ARHGAP15: variants seen among roughly 807,000 people sequenced by gnomAD.
ARHGAP15 encodes the protein rho GTPase-activating protein 15.
A neutral mutation model predicts 63.7 loss-of-function variants in ARHGAP15; 51 were observed. The ratio of observed to expected loss-of-function variants is 0.80; its 90% CI spans 0.64 to 1.01. ARHGAP15 has a LOEUF of 1.01. Among genes scored for constraint, ARHGAP15 ranks in the 50% least tolerant of loss-of-function variants. ARHGAP15 has a pLI of 0.00. For synonymous variants in ARHGAP15, 191 were observed against 193.8 expected (o/e 0.99, Z 0.12); for missense variants, 560 against 564.6 (o/e 0.99, Z 0.08).
intron 13 of ARHGAP15, among the ~76,000 whole-genome samples, chr2:143,716,319 A>G (rs561912404): frequency 3.2e-4 from 49 of 152,334 alleles, no homozygotes; most frequent in African/African-American, 1.1e-3. Flanking sequence ...TGATGGGTGG[A>G]GCCTATTAGA....
intron 8 of ARHGAP15, among the ~76,000 whole-genome samples, chr2:143,442,169 T>C (rs1297468280): frequency 2.6e-5 from 4 of 152,166 alleles, no homozygotes; most frequent in African/African-American, 9.7e-5. Context: ...TTTGTACTAA[T>C]CTAAATAATT....
At chr2:143,532,936 T>C (rs376798212) in intron 10 of ARHGAP15, among the ~76,000 whole-genome samples, 1 of 152,170 alleles carries the variant, frequency 6.6e-6, no homozygotes, top group African/African-American at 2.4e-5. Flanking sequence ...ACCAAAAAAC[T>C]CAAACAAAAA....
At chr2:143,246,434 G>C (rs1038234037) in intron 5 of ARHGAP15, among the ~76,000 whole-genome samples, 1 of 151,756 alleles carries the variant, frequency 6.6e-6, no homozygotes, top group Non-Finnish European at 1.5e-5. Flanking sequence ...CCATTTCGTG[G>C]GGTGGACTCA....
intron 10 of ARHGAP15, among the ~76,000 whole-genome samples, chr2:143,543,539 A>G (rs1695196227): frequency 6.6e-6 from 1 of 152,146 alleles, no homozygotes; most frequent in Non-Finnish European, 1.5e-5. Context: ...TTTGCTGTGC[A>G]GAAGCTTCCT....
chr2:143,301,474 A>G (rs999881461), intron 6 of ARHGAP15, among the ~76,000 whole-genome samples: 1 of 151,974 alleles, frequency 6.6e-6, no homozygotes, highest in Non-Finnish European at 1.5e-5. Flanking sequence ...CTATGTGTAT[A>G]AAAATTGTCT....
chr2:143,532,473 C>T (rs1437742611), intron 10 of ARHGAP15, among the ~76,000 whole-genome samples: 1 of 152,154 alleles, frequency 6.6e-6, no homozygotes, highest in Non-Finnish European at 1.5e-5. Flanking sequence ...GGTTTCTTTT[C>T]ACAAGTTTTT....
At chr2:143,289,375 A>C (rs1396353054) in intron 6 of ARHGAP15, among the ~76,000 whole-genome samples, 1 of 152,206 alleles carries the variant, frequency 6.6e-6, no homozygotes, top group Non-Finnish European at 1.5e-5. Context: ...TATTTTTAAA[A>C]TTGTACAAAT....
At chr2:143,269,971 T>TA (rs1681189931) in intron 6 of ARHGAP15, among the ~76,000 whole-genome samples, 1 of 152,164 alleles carries the variant, frequency 6.6e-6, no homozygotes, top group South Asian at 2.1e-4. Context: ...TAATCTGTGT[T>TA]ACTTTTTTTT....
At chr2:143,555,206 G>T (rs896688938) in intron 10 of ARHGAP15, among the ~76,000 whole-genome samples, 1 of 152,130 alleles carries the variant, frequency 6.6e-6, no homozygotes, top group African/African-American at 2.4e-5. Context: ...AATGGCAGAA[G>T]TGTTCCTAAT....
chr2:143,249,441 C>T (rs1335807543), intron 5 of ARHGAP15, among the ~76,000 whole-genome samples: 1 of 152,034 alleles, frequency 6.6e-6, no homozygotes, highest in Non-Finnish European at 1.5e-5. Context: ...ACCATTCTTT[C>T]ATAATTTCAT....
rs199912817 is a variant in ARHGAP15, at chr2:143,519,308, A to G, written c.869A>G (p.Glu290Gly). 5.6e-6 allele frequency: 9 copies of G among 1,613,278 alleles called. No homozygotes were observed. In the East Asian group the frequency reaches 1.8e-4, roughly 32 times the overall value. ...GSHLHKVCER[E>G]NSTVPWFVKQ... ...CATCTGCACAAAGTGTGTGAACGTG[A>G]AAATTCCACAGTTCCGTGGTTTGTA... Residue 290 changes from glutamate to glycine, a missense_variant, in exon 10 of 14, where the codon GAA (glutamate) becomes GGA (glycine). Glu to Gly is a moderately conservative substitution (Grantham distance 98). Coordinates refer to ENST00000295095, the MANE Select transcript of ARHGAP15 (RefSeq NM_018460.4).
At chr2:143,249,112 CAATA>C (rs1304308573) in intron 5 of ARHGAP15, among the ~76,000 whole-genome samples, 5 of 151,974 alleles carry the variant, frequency 3.3e-5, no homozygotes, top group Non-Finnish European at 5.9e-5. Context: ...GTGGGTGAAA[CAATA>C]AAAACTTTTC....
At chr2:143,330,119 A>AC (rs1558897871) in intron 6 of ARHGAP15, among the ~76,000 whole-genome samples, 7 of 67,154 alleles carry the variant, frequency 1.0e-4, no homozygotes, top group Admixed American at 1.7e-4. Flanking sequence ...AAAAAAAAAA[A>AC]AAAAAAAAAA....
At chr2:143,759,210 C>A (rs1459811628) in intron 13 of ARHGAP15, among the ~76,000 whole-genome samples, 1 of 151,974 alleles carries the variant, frequency 6.6e-6, no homozygotes, top group Non-Finnish European at 1.5e-5. Flanking sequence ...GGACAGGGTA[C>A]AATATTGCTC....
intron 6 of ARHGAP15, among the ~76,000 whole-genome samples, chr2:143,338,717 T>C (rs951305298): frequency 2.0e-5 from 3 of 152,184 alleles, no homozygotes; most frequent in African/African-American, 7.2e-5. Flanking sequence ...CTGTAAGGCA[T>C]GACTTTTGAC....
chr2:143,751,700 C>A (rs1686381846), intron 13 of ARHGAP15, among the ~76,000 whole-genome samples: 1 of 152,136 alleles, frequency 6.6e-6, no homozygotes, highest in South Asian at 2.1e-4. Flanking sequence ...GACCCTCATC[C>A]ATGGGAGATC....
At chr2:143,766,533 G>A (rs1210035200) in intron 13 of ARHGAP15, 5 of 152,196 alleles carry the variant, frequency 3.3e-5, no homozygotes, top group African/African-American at 1.2e-4. Flanking sequence ...CAGTGGAAAG[G>A]TGGAAGGTCT....
At chr2:143,528,048 T>C (rs1033380540) in intron 10 of ARHGAP15, among the ~76,000 whole-genome samples, 3 of 152,100 alleles carry the variant, frequency 2.0e-5, no homozygotes, top group African/African-American at 7.2e-5. Context: ...TAGGTTTCCT[T>C]AATGATTTTA....
Position 143,480,456 on chromosome 2 carries a change from G to A in ARHGAP15, c.704-6917G>A, listed in dbSNP as rs114831925. On this transcript the variant is annotated intron_variant, in intron 8 of 13. Transcript: ENST00000295095. Reference sequence around the variant, plus strand: ...ATAGATGATGAGTACACACCCTTCTGTTATGAATCTAATTGTCTATTTTGT... The same window carrying A: ...ATAGATGATGAGTACACACCCTTCTATTATGAATCTAATTGTCTATTTTGT... 4.2e-3 allele frequency among the ~76,000 whole-genome samples: 643 copies of A among 152,298 alleles called. 3 individuals are homozygous for A. Among genetic ancestry groups the A allele is most frequent in the Non-Finnish European group, 6.0e-3 (405 of 68,022 alleles).
Sources: gnomAD v4.1 joint callset for allele counts (sites outside exome capture counted in the v4.1 genomes callset) on GRCh38, gnomAD v4.1.1 for gene constraint, MANE v1.5 for transcripts, NCBI Gene and HGNC (gene_info 2026-07-23, HGNC 2026-07-21) for gene names.